Variants in DPP4 observed in about 807,000 individuals in gnomAD.
DPP4 encodes the protein ADCP-2.
In DPP4, 93 loss-of-function variants were observed where a neutral mutation model predicts 122.4. That is an observed-to-expected ratio of 0.76 (90% CI 0.64 to 0.90). The LOEUF (loss-of-function observed/expected upper bound fraction) is 0.90. Ranked by LOEUF, DPP4 falls within the 40% of genes least tolerant of loss-of-function variation. DPP4 has a pLI of 0.00. For missense variants in DPP4, 914 were observed against 907.3 expected, an observed-to-expected ratio of 1.01 and a Z score of -0.09; for synonymous variants, 321 against 302.9, an observed-to-expected ratio of 1.06 and a Z score of -0.62.
At chr2:162,009,092 G>T in intron 21 of DPP4, 149 bp downstream of exon 21, 1 of 775,952 alleles carries the variant, frequency 1.3e-6, no homozygotes, top group Non-Finnish European at 2.1e-6. Context: ...GCCTAACTCA[G>T]TGGAGATTCT....
At chr2:162,010,139 T>G (rs532417712) in intron 20 of DPP4, among the ~76,000 whole-genome samples, 1 of 152,266 alleles carries the variant, frequency 6.6e-6, no homozygotes, top group African/African-American at 2.4e-5. Flanking sequence ...AAAATTAAAA[T>G]AGTTTTCAAC....
chr2:162,041,832 A>G (rs1347047198), intron 5 of DPP4, among the ~76,000 whole-genome samples: 2 of 152,210 alleles, frequency 1.3e-5, no homozygotes, highest in Admixed American at 1.3e-4. Flanking sequence ...TCTATCAGAC[A>G]TTACTGGATA....
chr2:162,040,463 G>T (rs1683944805), intron 5 of DPP4, among the ~76,000 whole-genome samples: 2 of 152,038 alleles, frequency 1.3e-5, no homozygotes, highest in Admixed American at 6.6e-5. Flanking sequence ...ATGTGGTAAG[G>T]TTACATATTG....
intron 2 of DPP4, among the ~76,000 whole-genome samples, chr2:162,068,648 C>T (rs1685023410): frequency 6.6e-6 from 1 of 152,134 alleles, no homozygotes; most frequent in Non-Finnish European, 1.5e-5. Flanking sequence ...CTCTTGGATC[C>T]TTCATTCTAA....
At chr2:162,003,253 G>A (rs936492956) in intron 23 of DPP4, among the ~76,000 whole-genome samples, 9 of 152,220 alleles carry the variant, frequency 5.9e-5, no homozygotes, top group East Asian at 1.9e-4. Context: ...CTCATGCAGC[G>A]AACACCTAAA....
At chr2:162,033,886 A>AT in intron 9 of DPP4, among the ~76,000 whole-genome samples, 1 of 144,240 alleles carries the variant, frequency 6.9e-6, no homozygotes, top group East Asian at 2.0e-4. Flanking sequence ...ATATATATAT[A>AT]TATATATACA....
At chr2:162,055,586 G>A (rs932953381) in intron 2 of DPP4, among the ~76,000 whole-genome samples, 10 of 151,708 alleles carry the variant, frequency 6.6e-5, no homozygotes, top group Middle Eastern at 3.4e-3. Flanking sequence ...ACCCAGCTAC[G>A]CAGGAAGCTG....
intron 5 of DPP4, among the ~76,000 whole-genome samples, chr2:162,042,710 A>G (rs985048534): frequency 2.0e-5 from 3 of 152,188 alleles, no homozygotes; most frequent in Non-Finnish European, 4.4e-5. Context: ...TAAAACATGT[A>G]TTCATTTAAC....
chr2:162,073,613 G>A (rs1038476042), intron 1 of DPP4, 127 bp from the exon 2 acceptor site: 2 of 908,628 alleles, frequency 2.2e-6, no homozygotes, highest in African/African-American at 1.6e-5. Context: ...GGGAGACCGC[G>A]GGCTGGGGGT....
chr2:162,016,167 C>G lies in DPP4; in HGVS notation c.1567+601G>C, dbSNP rs190459353. ...ATCCTAATATAACAGATTCCTCCCT[C>G]CCCTATAAGCTGTTAGCCCTTAGTG... is the stretch of plus-strand genomic sequence containing the variant. On this transcript the variant is annotated intron_variant, in intron 18 of 25. Coordinates refer to ENST00000360534, the MANE Select transcript of DPP4 (RefSeq NM_001935.4). Among the ~76,000 whole-genome samples the G allele has an allele frequency of 1.6e-3, 246 of 152,250 alleles. 1 individual carries two copies. Among genetic ancestry groups the G allele is most frequent in the Non-Finnish European group, 2.1e-3 (145 of 68,016 alleles).
At chr2:162,032,803 C>T (rs1683602939) in intron 10 of DPP4, among the ~76,000 whole-genome samples, 1 of 152,004 alleles carries the variant, frequency 6.6e-6, no homozygotes, top group South Asian at 2.1e-4. Context: ...TATGTTGGTT[C>T]CTTTACAGGA....
intron 7 of DPP4, 151 bp downstream of exon 7, chr2:162,038,798 T>G: frequency 1.4e-6 from 1 of 708,766 alleles, no homozygotes; most frequent in Non-Finnish European, 2.4e-6. Context: ...GAAGTTCAGC[T>G]GCAGACAAAC....
intron 2 of DPP4, among the ~76,000 whole-genome samples, chr2:162,049,014 G>A (rs1026580862): frequency 6.6e-6 from 1 of 152,138 alleles, no homozygotes; most frequent in Non-Finnish European, 1.5e-5. Flanking sequence ...CCCAGAGTAT[G>A]TCCACTGATA....
chr2:162,004,123 C>T (rs891943097), intron 23 of DPP4, among the ~76,000 whole-genome samples: 1 of 152,104 alleles, frequency 6.6e-6, no homozygotes, highest in Non-Finnish European at 1.5e-5. Flanking sequence ...ACAAAGTAGG[C>T]TACTACAGGA....
At chr2:162,038,909 T>C (rs779211551) in intron 7 of DPP4, 40 bp downstream of exon 7, 1 of 1,586,272 alleles carries the variant, frequency 6.3e-7, no homozygotes. Context: ...ATGAAAAATT[T>C]GAGCCTATAT....
At position 162,033,536 on chromosome 2, in the gene DPP4, C is replaced by A; in HGVS notation, c.887+5G>T. 6.2e-7 allele frequency: 1 copy of A among 1,607,860 alleles called. No individual in the cohort carries two copies. The highest frequency in any genetic ancestry group is 1.1e-5 in the South Asian group (1 of 90,594). ...CAAGCCAAGCATTCAGGACAAGAGT[C>A]TTACCCTATCAACATAGAAGCAGGA... On this transcript the variant is annotated splice_donor_5th_base_variant and intron_variant, in intron 10 of 25. Coordinates refer to ENST00000360534, the MANE Select transcript of DPP4 (RefSeq NM_001935.4).
At chr2:162,073,849 G>T in intron 1 of DPP4, 127 bp downstream of exon 1, 1 of 1,280,262 alleles carries the variant, frequency 7.8e-7, no homozygotes, top group Non-Finnish European at 1.1e-6. Flanking sequence ...CCTGTCAGAG[G>T]GTGGCCTTGG....
chr2:162,025,904 C>G (rs1273940615), intron 10 of DPP4, among the ~76,000 whole-genome samples: 2 of 152,094 alleles, frequency 1.3e-5, no homozygotes, highest in Admixed American at 6.5e-5. Flanking sequence ...TCCACTTGCC[C>G]TCTCCTTCAC....
chr2:162,023,458 C>T lies in DPP4; in HGVS notation c.1024-659G>A, dbSNP rs556011808. 2.0e-5 allele frequency among the ~76,000 whole-genome samples: 3 copies of T among 152,320 alleles called. No individual in the cohort carries two copies. The South Asian group carries it at 6.2e-4, about 32-fold the overall frequency. ...GAGCCTTTGCCTATATCTCTAGCCT[C>T]ATTGCTCCCCACTACACCTCTCCCC... is the stretch of plus-strand genomic sequence containing the variant. On this transcript the variant is annotated intron_variant, in intron 11 of 25. Coordinates refer to ENST00000360534, the MANE Select transcript of DPP4 (RefSeq NM_001935.4).
Sources: gnomAD v4.1 joint callset for allele counts (sites outside exome capture counted in the v4.1 genomes callset) on GRCh38, gnomAD v4.1.1 for gene constraint, MANE v1.5 for transcripts, NCBI Gene and HGNC (gene_info 2026-07-23, HGNC 2026-07-21) for gene names.